MAP3K9: variants seen among roughly 807,000 people sequenced by gnomAD.
The protein encoded by MAP3K9 is mitogen-activated protein kinase kinase kinase 9, also known as mixed lineage kinase 1 (tyr and ser/thr specificity).
A neutral mutation model predicts 95.8 loss-of-function variants in MAP3K9; 46 were observed. That is an observed-to-expected ratio of 0.48 (90% confidence interval 0.38 to 0.61). The LOEUF (loss-of-function observed/expected upper bound fraction) is 0.61, where lower values mean the gene tolerates loss of function less well. MAP3K9 is among the 20% of genes least tolerant of loss of function. MAP3K9 has a pLI of 0.00. For missense variants in MAP3K9, 1,296 were observed against 1,474.3 expected (o/e 0.88, Z 1.98); for synonymous variants, 533 against 593.8 (o/e 0.90, Z 1.49).
chr14:70,739,823 T>G, intron 7 of MAP3K9: 7 of 1,424,990 alleles, frequency 4.9e-6, no homozygotes, highest in Non-Finnish European at 6.6e-6. Context: ...TTTGCTGATA[T>G]GTGACTAAAA....
chr14:70,778,084 T>G lies in MAP3K9; in HGVS notation c.821-16902A>C, dbSNP rs10138260. Reference sequence around the variant, plus strand: ...TCTCTCTCTCCCTTTTGTTTTTTGTTGTTTGTTGTTGTTGTTATTGTTGTT... The same window carrying G: ...TCTCTCTCTCCCTTTTGTTTTTTGTGGTTTGTTGTTGTTGTTATTGTTGTT... On this transcript the variant is annotated intron_variant, in intron 2 of 11. Transcript: ENST00000554752. Among the ~76,000 whole-genome samples, 427 of 138,286 alleles carry G rather than the reference T, an allele frequency of 3.1e-3. 1 individual carries two copies. The highest frequency in any genetic ancestry group is 0.01 in the African/African-American group (405 of 39,588). 90.7% of individuals were successfully genotyped at this position (138,286 alleles called of 152,430 possible).
At chr14:70,783,196 G>A in intron 2 of MAP3K9, 1 of 892,106 alleles carries the variant, frequency 1.1e-6, no homozygotes, top group Non-Finnish European at 1.3e-6. Context: ...TGCAACTAGA[G>A]TCAAGCATAT....
At chr14:70,733,522 C>T (rs925461471) in intron 10 of MAP3K9, 180 bp from the exon 11 acceptor site, 2 of 608,882 alleles carry the variant, frequency 3.3e-6, no homozygotes, top group Non-Finnish European at 5.9e-6. Flanking sequence ...TTATCCACCC[C>T]CCAACACAGG....
At chr14:70,800,214 T>A (rs1419486551) in intron 2 of MAP3K9, among the ~76,000 whole-genome samples, 1 of 152,164 alleles carries the variant, frequency 6.6e-6, no homozygotes, top group Non-Finnish European at 1.5e-5. Context: ...AAGAATAGCA[T>A]TCTCTTCTTA....
chr14:70,804,151 T>C (rs76747384), intron 1 of MAP3K9, among the ~76,000 whole-genome samples: 1,584 of 152,310 alleles, frequency 0.01, 19 homozygotes, highest in Non-Finnish European at 0.017. Flanking sequence ...TGTTCCCAAT[T>C]AGAGAAGTAG....
intron 2 of MAP3K9, among the ~76,000 whole-genome samples, chr14:70,793,232 C>T (rs2054825629): frequency 6.6e-6 from 1 of 152,170 alleles, no homozygotes; most frequent in Non-Finnish European, 1.5e-5. Flanking sequence ...TTAGCCAGGG[C>T]TGGTGATCAG....
intron 3 of MAP3K9, among the ~76,000 whole-genome samples, chr14:70,756,700 G>A (rs751729259): frequency 2.6e-5 from 4 of 152,246 alleles, no homozygotes; most frequent in Admixed American, 6.5e-5. Context: ...TTAACCATTC[G>A]GTCAAGGTCA....
intron 6 of MAP3K9, 68 bp from the exon 7 acceptor site, chr14:70,740,232 T>C (rs1314403327): frequency 5.2e-6 from 8 of 1,532,008 alleles, no homozygotes; most frequent in African/African-American, 1.4e-5. Flanking sequence ...ATAAGAAATA[T>C]GACATTCCTC....
At chr14:70,730,956 T>C in intron 11 of MAP3K9, 92 bp from the exon 12 acceptor site, 1 of 1,332,100 alleles carries the variant, frequency 7.5e-7, no homozygotes, top group Non-Finnish European at 1.0e-6. Flanking sequence ...ACCATATCCC[T>C]ACGCAATCAG....
chr14:70,766,758 T>C (rs984926403), intron 2 of MAP3K9, among the ~76,000 whole-genome samples: 1 of 152,190 alleles, frequency 6.6e-6, no homozygotes, highest in African/African-American at 2.4e-5. Flanking sequence ...AACCACATTC[T>C]TCACCTTTGT....
At chr14:70,782,766 GA>G (rs1438691892) in intron 2 of MAP3K9, among the ~76,000 whole-genome samples, 1 of 152,170 alleles carries the variant, frequency 6.6e-6, no homozygotes, top group Non-Finnish European at 1.5e-5. Context: ...TGGGGAAGAT[GA>G]GACTTCCTAG....
chr14:70,794,308 G>C lies in MAP3K9; in HGVS notation c.820+6359C>G, dbSNP rs368718079. Among the ~76,000 whole-genome samples the C allele has an allele frequency of 2.7e-4, 41 of 152,384 alleles. 1 individual carries two copies. In the South Asian group the frequency reaches 8.5e-3, roughly 32 times the overall value. On this transcript the variant is annotated intron_variant, in intron 2 of 11. Transcript: ENST00000554752. ...TCACCTCTGCTCTTTCAGCTATAAAGTTAAGAATGAGTTGGTTGAAACCCA... is the reference window on the plus strand; with the variant it reads ...TCACCTCTGCTCTTTCAGCTATAAACTTAAGAATGAGTTGGTTGAAACCCA...
At chr14:70,790,241 A>G (rs1372867915) in intron 2 of MAP3K9, among the ~76,000 whole-genome samples, 1 of 152,224 alleles carries the variant, frequency 6.6e-6, no homozygotes, top group Non-Finnish European at 1.5e-5. Flanking sequence ...CTCAGCAAAG[A>G]TTCCCTTTCA....
Position 70,732,858 on chromosome 14 carries a change from G to C in MAP3K9, c.2511C>G (p.Leu837=), listed in dbSNP as rs374521516. ...TGGAGTTGCACTCGGAGATGGAGGA[G>C]AGGGAGAGCAGCGTCAGGGAGGCAG... The part of the protein sequence containing the change: ...DPSASLTLLS[L]SSISECNSTR... Residue 837 remains leucine, a synonymous_variant, in exon 11 of 12, where the codon CTC becomes CTG. Transcript: ENST00000554752. The C allele has an allele frequency of 1.2e-6, 2 of 1,613,982 alleles. No homozygotes were observed. Among genetic ancestry groups the C allele is most frequent in the African/African-American group, 2.7e-5 (2 of 75,040 alleles).
At position 70,727,937 on chromosome 14, in the gene MAP3K9, A is replaced by C. The variant is rs935478012; in HGVS notation, c.*2443T>G. The stretch of plus-strand genomic sequence containing the variant: ...ATGGCTGCAACCTACCACAATGGCA[A>C]AAGTTAAAAATGAGCAAAGGAAAAA... On this transcript the variant is annotated 3_prime_UTR_variant, in exon 12 of 12. Coordinates refer to ENST00000554752, the MANE Select transcript of MAP3K9 (RefSeq NM_001284230.2). 4.6e-5 allele frequency: 7 copies of C among 152,156 alleles called. No individual in the cohort carries two copies. 9.4% of individuals were successfully genotyped at this position (152,156 alleles called of 1,614,324 possible). A position where few individuals can be genotyped will look rare whatever the true frequency, so the allele number is the denominator to read the frequency against.
Position 70,782,953 on chromosome 14 carries a change from G to A in MAP3K9, c.820+17714C>T, listed in dbSNP as rs559775802. 3.3e-5 allele frequency among the ~76,000 whole-genome samples: 5 copies of A among 152,294 alleles called. No homozygotes were observed. In the East Asian group the frequency reaches 9.6e-4, roughly 29 times the overall value. On this transcript the variant is annotated intron_variant, in intron 2 of 11. Transcript: ENST00000554752. ...TTCCTTCCCTGCTACCTGGAAGGTG[G>A]GCATAACAGGCATACCCAGAAACTG...
At chr14:70,747,378 C>T (rs1296278124) in intron 5 of MAP3K9, among the ~76,000 whole-genome samples, 1 of 152,138 alleles carries the variant, frequency 6.6e-6, no homozygotes, top group Non-Finnish European at 1.5e-5. Flanking sequence ...TTCTTCCTGC[C>T]ACCATGTGAA....
intron 2 of MAP3K9, among the ~76,000 whole-genome samples, chr14:70,768,133 T>C (rs1236500817): frequency 1.3e-5 from 2 of 152,144 alleles, no homozygotes; most frequent in Non-Finnish European, 2.9e-5. Flanking sequence ...ATTGTACATT[T>C]AAAAATAACT....
chr14:70,763,842 AC>A (rs2054408102), intron 2 of MAP3K9, among the ~76,000 whole-genome samples: 2 of 151,882 alleles, frequency 1.3e-5, no homozygotes, highest in Admixed American at 1.3e-4. Context: ...AGCATACTAT[AC>A]TTTTTAATCA....
Sources: allele counts gnomAD v4.1 joint callset (sites outside exome capture counted in the v4.1 genomes callset), GRCh38; gene constraint gnomAD v4.1.1; transcripts MANE v1.5; gene names NCBI Gene and HGNC (gene_info 2026-07-23, HGNC 2026-07-21).